The following ADAM9 variants were observed in gnomAD, a reference collection of about 807,000 sequenced individuals.
The protein encoded by ADAM9 is ADAM metallopeptidase domain 9.
In ADAM9, 54 loss-of-function variants were observed where a neutral mutation model predicts 108.1. The ratio of observed to expected loss-of-function variants is 0.50; its 90% CI spans 0.40 to 0.63. ADAM9 has a LOEUF of 0.63. Ranked by LOEUF, ADAM9 falls within the 20% of genes least tolerant of loss-of-function variation. The probability of loss-of-function intolerance (pLI) is 0.00; values close to 1 mark genes in which losing one functional copy is unlikely to be tolerated. For missense variants in ADAM9, 830 were observed against 997.7 expected (o/e 0.83, Z 2.26); for synonymous variants, 316 against 336.0 (o/e 0.94, Z 0.65).
rs1837686813 is a variant in ADAM9 at position 39,045,365 on chromosome 8, T to TAC, written c.1302+3248_1302+3249insAC. On this transcript the variant is annotated intron_variant, in intron 12 of 21. Transcript: ENST00000487273. Reference sequence around the variant, plus strand: ...ATACATGTGTGTACATACATATAGGTGTGTGTACATACACCTATAGGTGTG... The same window carrying TAC: ...ATACATGTGTGTACATACATATAGGTACGTGTGTACATACACCTATAGGTGTG... Among the ~76,000 whole-genome samples, 18 of 108,372 alleles carry TAC rather than the reference T, an allele frequency of 1.7e-4. 4 individuals are homozygous for TAC. The highest frequency in any genetic ancestry group is 4.8e-4 in the African/African-American group (14 of 29,008). The allele number at this position is 108,372 out of a possible 152,430, so 71.1% of individuals were successfully genotyped here. A position where few individuals can be genotyped will look rare whatever the true frequency, so the allele number is the denominator to read the frequency against.
At chr8:39,007,165 G>A (rs1047638320) in intron 1 of ADAM9, among the ~76,000 whole-genome samples, 23 of 152,294 alleles carry the variant, frequency 1.5e-4, no homozygotes, top group Admixed American at 1.4e-3. Flanking sequence ...GGGTACAGAG[G>A]TCATAAGGCA....
intron 12 of ADAM9, among the ~76,000 whole-genome samples, chr8:39,044,790 T>G (rs1837562206): frequency 6.6e-6 from 1 of 152,140 alleles, no homozygotes; most frequent in Non-Finnish European, 1.5e-5. Context: ...CCATCCATGT[T>G]GCTGCAGAGG....
In ADAM9 at chr8:39,014,058, T is replaced by A; in HGVS notation, c.333+15T>A. The A allele has an allele frequency of 6.2e-7, 1 of 1,600,158 alleles. No homozygotes were observed. On this transcript the variant is annotated intron_variant, in intron 4 of 21. Transcript: ENST00000487273. ...CCAATATACAGGTAATGTATTTTTC[T>A]CTTGATCCCATAGCAAATTTTAAAA...
At chr8:38,998,961 G>A (rs1219218998) in intron 1 of ADAM9, among the ~76,000 whole-genome samples, 1 of 152,166 alleles carries the variant, frequency 6.6e-6, no homozygotes, top group African/African-American at 2.4e-5. Context: ...GAGGTTTTAA[G>A]TAGGGGTGCG....
intron 18 of ADAM9, among the ~76,000 whole-genome samples, chr8:39,088,500 G>A (rs1277870871): frequency 1.3e-5 from 2 of 151,868 alleles, no homozygotes; most frequent in African/African-American, 4.8e-5. Context: ...CTTGTGATCC[G>A]CCTGCCTCGG....
chr8:39,102,171 T>C (rs1183379490), intron 21 of ADAM9, among the ~76,000 whole-genome samples: 1 of 152,186 alleles, frequency 6.6e-6, no homozygotes, highest in Non-Finnish European at 1.5e-5. Flanking sequence ...ACAGCTTTCA[T>C]GTGCATACGA....
intron 14 of ADAM9, among the ~76,000 whole-genome samples, chr8:39,070,012 G>A (rs958961146): frequency 6.8e-6 from 1 of 147,896 alleles, no homozygotes; most frequent in African/African-American, 2.5e-5. Context: ...AATTAGTCAA[G>A]TGTGGTGGTG....
chr8:39,067,139 A>G (rs1355659722), intron 14 of ADAM9, among the ~76,000 whole-genome samples: 1 of 152,090 alleles, frequency 6.6e-6, no homozygotes, highest in African/African-American at 2.4e-5. Context: ...GTACCATGCT[A>G]TTTTGGTTAC....
At chr8:39,054,602 G>GAAAAAAAAAAAAAAAAAA in intron 13 of ADAM9, 29 bp downstream of exon 13, 1 of 944,768 alleles carries the variant, frequency 1.1e-6, no homozygotes, top group African/African-American at 2.0e-5. Flanking sequence ...TTGGAAACAG[G>GAAAAAAAAAAAAAAAAAA]AAAAAAAAAA....
At chr8:39,036,440 A>G (rs1307956681) in intron 11 of ADAM9, among the ~76,000 whole-genome samples, 2 of 151,994 alleles carry the variant, frequency 1.3e-5, no homozygotes, top group Admixed American at 6.5e-5. Flanking sequence ...TTTTCAGAGG[A>G]CTCAAATAAA....
At chr8:39,002,033 T>TAAAAAAAAA (rs35778686) in intron 1 of ADAM9, among the ~76,000 whole-genome samples, 1 of 108,622 alleles carries the variant, frequency 9.2e-6, no homozygotes, top group African/African-American at 3.4e-5. Flanking sequence ...CTAGAATGAT[T>TAAAAAAAAA]AAAAAAAAAA....
rs550410350 is a variant in ADAM9, at chr8:39,069,540, C to T, written c.1592-1758C>T. Among the ~76,000 whole-genome samples, 11 of 152,112 alleles carry T rather than the reference C, an allele frequency of 7.2e-5. No homozygotes were observed. The East Asian group carries it at 1.4e-3, about 19-fold the overall frequency. On this transcript the variant is annotated intron_variant, in intron 14 of 21. Transcript: ENST00000487273. ...GAGCTAACATAAGAGAAGGTATTGA[C>T]GCTTACTATCAAATTTGGCCCTTAA...
rs1272648589 is a variant in ADAM9 at position 39,073,770 on chromosome 8, T to A, written c.1697+2367T>A. On this transcript the variant is annotated intron_variant, in intron 15 of 21. Coordinates refer to ENST00000487273, the MANE Select transcript of ADAM9 (RefSeq NM_003816.3). ...GTCTTGTTTCATATTTTTATGAATATCTTATTGAAAATAGCAACTATACTT... is the reference window on the plus strand; with the variant it reads ...GTCTTGTTTCATATTTTTATGAATAACTTATTGAAAATAGCAACTATACTT... Among the ~76,000 whole-genome samples the A allele has an allele frequency of 5.9e-5, 9 of 152,176 alleles. No homozygotes were observed. The East Asian group carries it at 1.7e-3, about 29-fold the overall frequency.
Position 39,103,644 on chromosome 8 carries a change from A to G in ADAM9, c.2404A>G (p.Asn802Asp). ...PPQPKVSSQG[N>D]LIPARPAPAP... ...ACAACCGAAAGTATCATCTCAGGGA[A>G]ACTTAATTCCTGCCCGTCCTGCTCC... The change falls in exon 22 of 22, where the codon AAC (asparagine) becomes GAC (aspartate). Residue 802 changes from asparagine (N) to aspartate (D), a missense_variant. Around this residue, in one of 3 missense-constraint regions of ADAM9, gnomAD observed 238 missense variants for 235.7 expected, o/e 1.01. Transcript: ENST00000487273. 6.2e-7 allele frequency: 1 copy of G among 1,614,164 alleles called. No homozygotes were observed. The highest frequency in any genetic ancestry group is 8.5e-7 in the Non-Finnish European group (1 of 1,180,010).
At chr8:39,103,583 T>A (rs1415492720) in intron 21 of ADAM9, 24 bp from the exon 22 acceptor site, 2 of 1,605,304 alleles carry the variant, frequency 1.2e-6, no homozygotes, top group African/African-American at 1.3e-5. Flanking sequence ...AACACTCTAT[T>A]AACTATCTCT....
chr8:39,030,774 T>C (rs1837072581), intron 11 of ADAM9, among the ~76,000 whole-genome samples: 1 of 152,254 alleles, frequency 6.6e-6, no homozygotes, highest in African/African-American at 2.4e-5. Context: ...TTGTCAGTGT[T>C]CTGGATTTTG....
At chr8:39,073,461 A>G (rs1838760159) in intron 15 of ADAM9, among the ~76,000 whole-genome samples, 1 of 152,206 alleles carries the variant, frequency 6.6e-6, no homozygotes, top group Admixed American at 6.5e-5. Context: ...AGTATTTGTC[A>G]GTTTCATTAA....
chr8:39,041,919 A>C, intron 11 of ADAM9, 27 bp from the exon 12 acceptor site: 1 of 1,607,844 alleles, frequency 6.2e-7, no homozygotes, highest in South Asian at 1.1e-5. Context: ...ACTGTGACAT[A>C]GATCTTTTTC....
chr8:39,082,863 G>C, intron 17 of ADAM9, 105 bp from the exon 18 acceptor site: 1 of 1,327,074 alleles, frequency 7.5e-7, no homozygotes. Context: ...AACAGTGTCA[G>C]TAAGCTTGTA....
Sources: allele counts gnomAD v4.1 joint callset (sites outside exome capture counted in the v4.1 genomes callset), GRCh38; gene constraint gnomAD v4.1.1; regional missense constraint gnomAD v4.1.1; transcripts MANE v1.5; gene names NCBI Gene and HGNC (gene_info 2026-07-23, HGNC 2026-07-21).